CNTN5: variants seen among roughly 807,000 people sequenced by gnomAD.
The protein encoded by CNTN5 is contactin-5.
Under a neutral mutation model 129.1 loss-of-function variants are expected in CNTN5, and 77 were observed. The ratio of observed to expected loss-of-function variants is 0.60; its 90% CI spans 0.50 to 0.72. The LOEUF is 0.72. Among genes scored for constraint, CNTN5 ranks in the 30% least tolerant of loss-of-function variants. The pLI, the probability that CNTN5 is intolerant of heterozygous loss-of-function variation, is 0.00. For missense variants in CNTN5, 1,478 were observed against 1,328.8 expected, an observed-to-expected ratio of 1.11 and a Z score of -1.75; for synonymous variants, 509 against 465.6, an observed-to-expected ratio of 1.09 and a Z score of -1.20.
intron 7 of CNTN5, among the ~76,000 whole-genome samples, chr11:99,928,179 C>T (rs572322319): frequency 7.2e-5 from 11 of 152,304 alleles, no homozygotes; most frequent in Admixed American, 1.3e-4. Context: ...GCAACTCCGC[C>T]CCTTACAGAT....
chr11:100,028,522 C>A (rs930203221), intron 9 of CNTN5, among the ~76,000 whole-genome samples: 1 of 152,094 alleles, frequency 6.6e-6, no homozygotes, highest in African/African-American at 2.4e-5. Flanking sequence ...ATTTGGGGAG[C>A]ATTGTTTACT....
chr11:99,447,144 A>G (rs187181420), intron 2 of CNTN5, among the ~76,000 whole-genome samples: 2 of 152,302 alleles, frequency 1.3e-5, no homozygotes, highest in African/African-American at 4.8e-5. Flanking sequence ...TAAATTACTT[A>G]AACTCTGAAC....
intron 6 of CNTN5, among the ~76,000 whole-genome samples, chr11:99,861,415 G>C (rs1463401504): frequency 6.6e-6 from 1 of 152,066 alleles, no homozygotes; most frequent in Non-Finnish European, 1.5e-5. Context: ...CAAGGCTGGT[G>C]GTAAACTTAA....
intron 1 of CNTN5, among the ~76,000 whole-genome samples, chr11:99,295,287 G>A (rs1864336486): frequency 6.6e-6 from 1 of 152,110 alleles, no homozygotes; most frequent in African/African-American, 2.4e-5. Flanking sequence ...CTGAAATATT[G>A]TAATCTACAT....
chr11:99,608,642 C>T (rs532411556), intron 3 of CNTN5, among the ~76,000 whole-genome samples: 4 of 152,004 alleles, frequency 2.6e-5, no homozygotes, highest in Non-Finnish European at 5.9e-5. Flanking sequence ...GTAGAGAGAC[C>T]CCAGATCAGA....
intron 1 of CNTN5, among the ~76,000 whole-genome samples, chr11:99,267,905 A>AAC (rs1165135036): frequency 7.1e-5 from 9 of 127,404 alleles, no homozygotes; most frequent in Non-Finnish European, 9.7e-5. Context: ...CTATCAAGTA[A>AAC]ACACACACAC....
At chr11:99,186,523 A>G (rs549500942) in intron 1 of CNTN5, among the ~76,000 whole-genome samples, 168 of 152,114 alleles carry the variant, frequency 1.1e-3, no homozygotes, top group African/African-American at 4.0e-3. Flanking sequence ...AGATTTCTCT[A>G]AGAAAGTTTT....
intron 2 of CNTN5, among the ~76,000 whole-genome samples, chr11:99,542,631 A>C (rs765871760): frequency 1.3e-5 from 2 of 152,198 alleles, no homozygotes; most frequent in Non-Finnish European, 2.9e-5. Context: ...ACAACAACAA[A>C]AAAATCTCCA....
At chr11:99,271,952 C>T (rs964302502) in intron 1 of CNTN5, among the ~76,000 whole-genome samples, 1 of 151,844 alleles carries the variant, frequency 6.6e-6, no homozygotes, top group African/African-American at 2.4e-5. Flanking sequence ...AGAAATGCAC[C>T]ACAATCAAAT....
At chr11:100,093,142 A>G (rs1177143410) in intron 13 of CNTN5, among the ~76,000 whole-genome samples, 1 of 152,096 alleles carries the variant, frequency 6.6e-6, no homozygotes, top group Non-Finnish European at 1.5e-5. Context: ...TGACTCAAAG[A>G]CAACAAGAGT....
chr11:100,308,958 T>C (rs1469967055), intron 21 of CNTN5: 6 of 984,852 alleles, frequency 6.1e-6, no homozygotes, highest in African/African-American at 1.7e-5. Context: ...TTTTTAAACA[T>C]AGTTATTCCA....
intron 3 of CNTN5, among the ~76,000 whole-genome samples, chr11:99,800,662 CTTT>C (rs1250813028): frequency 5.9e-5 from 9 of 152,166 alleles, no homozygotes; most frequent in Admixed American, 5.9e-4. Context: ...TTAAATTGAA[CTTT>C]TTATCATTAT....
intron 2 of CNTN5, among the ~76,000 whole-genome samples, chr11:99,497,243 G>T (rs375753690): frequency 6.6e-6 from 1 of 152,288 alleles, no homozygotes; most frequent in East Asian, 1.9e-4. Flanking sequence ...ATGGAAACAG[G>T]TTATTTAGTA....
chr11:99,504,473 G>A (rs1182353981), intron 2 of CNTN5, among the ~76,000 whole-genome samples: 5 of 148,888 alleles, frequency 3.4e-5, no homozygotes, highest in African/African-American at 7.4e-5. Flanking sequence ...CCCGGGAGGC[G>A]GAGGGTGCAG....
chr11:99,901,922 C>A (rs1012761654), intron 6 of CNTN5, among the ~76,000 whole-genome samples: 1 of 151,960 alleles, frequency 6.6e-6, no homozygotes, highest in African/African-American at 2.4e-5. Flanking sequence ...AAGCGTTATC[C>A]CCTGACAATC....
chr11:99,642,136 C>T (rs533936834), intron 3 of CNTN5, among the ~76,000 whole-genome samples: 2 of 152,166 alleles, frequency 1.3e-5, no homozygotes. Flanking sequence ...CTTGAGTAGC[C>T]TCTGGTCATG....
At chr11:99,853,146 G>A (rs1947926910) in intron 6 of CNTN5, among the ~76,000 whole-genome samples, 1 of 152,074 alleles carries the variant, frequency 6.6e-6, no homozygotes, top group East Asian at 1.9e-4. Flanking sequence ...TGAGGGACAA[G>A]TCAGAACAGA....
intron 7 of CNTN5, among the ~76,000 whole-genome samples, chr11:99,948,224 T>C (rs1950595863): frequency 6.6e-6 from 1 of 152,232 alleles, no homozygotes; most frequent in Admixed American, 6.5e-5. Context: ...TCTGTAAATC[T>C]TAATGTAAGT....
chr11:99,468,706 G>T (rs1282335783), intron 2 of CNTN5, among the ~76,000 whole-genome samples: 1 of 150,680 alleles, frequency 6.6e-6, no homozygotes, highest in Non-Finnish European at 1.5e-5. Context: ...TTTCAAAGAG[G>T]CTGCATTGAT....
Sources: gnomAD v4.1 joint callset for allele counts (sites outside exome capture counted in the v4.1 genomes callset) on GRCh38, gnomAD v4.1.1 for gene constraint, MANE v1.5 for transcripts, NCBI Gene and HGNC (gene_info 2026-07-23, HGNC 2026-07-21) for gene names.